Variants in HPS3 observed in about 807,000 individuals in gnomAD.
HPS3 encodes BLOC-2 complex member HPS3.
HPS3 carries 79 observed loss-of-function variants against 110.9 expected under a neutral mutation model. The ratio of observed to expected loss-of-function variants is 0.71; its 90% CI spans 0.59 to 0.86. The LOEUF (loss-of-function observed/expected upper bound fraction) is 0.86, where lower values mean the gene tolerates loss of function less well. Among genes scored for constraint, HPS3 ranks in the 40% least tolerant of loss-of-function variants. The pLI, the probability that HPS3 is intolerant of heterozygous loss-of-function variation, is 0.00. For missense variants in HPS3, 1,197 were observed against 1,206.2 expected (o/e 0.99, Z 0.11); for synonymous variants, 428 against 451.0 (o/e 0.95, Z 0.65).
At chr3:149,137,132 CA>C (rs1227703502) in intron 1 of HPS3, among the ~76,000 whole-genome samples, 1 of 151,774 alleles carries the variant, frequency 6.6e-6, no homozygotes, top group Admixed American at 6.6e-5. Flanking sequence ...CAACAACAAC[CA>C]AAAAAACTTG....
In HPS3 at chr3:149,129,695, C is replaced by T. The variant is rs1187933547; in HGVS notation, c.-29C>T. 4 of 1,523,132 alleles carry T rather than the reference C, an allele frequency of 2.6e-6. No individual in the cohort carries two copies. Among genetic ancestry groups the T allele is most frequent in the Admixed American group, 1.9e-5 (1 of 52,370 alleles). The allele number at this position is 1,523,132 out of a possible 1,614,324, so 94.4% of individuals were successfully genotyped here. A position where few individuals can be genotyped will look rare whatever the true frequency, so the allele number is the denominator to read the frequency against. ...GTCTCCGGGCGCCCTGCAGGGCGGG[C>T]AGGCTGTGCCATCCCGCCGGACGTC... On this transcript the variant is annotated 5_prime_UTR_variant, in exon 1 of 17. Transcript: ENST00000296051.
At chr3:149,171,422 C>T (rs1724977760) in intron 16 of HPS3, among the ~76,000 whole-genome samples, 1 of 128,750 alleles carries the variant, frequency 7.8e-6, no homozygotes, top group South Asian at 2.4e-4. Flanking sequence ...TGTTTCTTAT[C>T]CTATCAATCT....
Position 149,158,647 on chromosome 3 carries a change from T to C in HPS3, c.1692-19T>C, listed in dbSNP as rs369751908. ...TAAAAAAGTGACAAATTTGAGGTTT[T>C]TCATTTCCTTCCCTTTAGGCTTGAC... On this transcript the variant is annotated intron_variant, in intron 9 of 16. Transcript: ENST00000296051. The C allele has an allele frequency of 1.4e-5, 23 of 1,611,750 alleles. No homozygotes were observed. Among genetic ancestry groups the C allele is most frequent in the Non-Finnish European group, 1.8e-5 (21 of 1,178,108 alleles).
At chr3:149,136,307 G>A (rs750055162) in intron 1 of HPS3, among the ~76,000 whole-genome samples, 6 of 152,050 alleles carry the variant, frequency 3.9e-5, no homozygotes, top group Non-Finnish European at 7.4e-5. Context: ...ACTTGAGTCC[G>A]GGAGGTGGAG....
At chr3:149,160,306 G>A in intron 11 of HPS3, 27 bp downstream of exon 11, 1 of 1,482,908 alleles carries the variant, frequency 6.7e-7, no homozygotes, top group East Asian at 2.3e-5. Flanking sequence ...GGTGCTAACA[G>A]AAGGCTGAAA....
intron 1 of HPS3, among the ~76,000 whole-genome samples, chr3:149,135,437 C>A (rs1722028977): frequency 6.6e-6 from 1 of 152,070 alleles, no homozygotes; most frequent in South Asian, 2.1e-4. Context: ...ATAGTGAATT[C>A]TCATGAGATC....
rs747440350 is a variant in HPS3, at chr3:149,140,479, A to T, written c.693A>T (p.Arg231=). The T allele has an allele frequency of 6.2e-7, 1 of 1,614,164 alleles. No individual in the cohort carries two copies. Among genetic ancestry groups the T allele is most frequent in the East Asian group, 2.2e-5 (1 of 44,880 alleles). Residue 231 remains arginine, a synonymous_variant, in exon 2 of 17, where the codon CGA becomes CGT. Coordinates refer to ENST00000296051, the MANE Select transcript of HPS3 (RefSeq NM_032383.5). ...ACCATCCACATAAGACCAACAATCG[A>T]ATAAGACGGACAGAAGAAGGTAAAT... is the stretch of plus-strand genomic sequence containing the variant. ...VHHHPHKTNN[R]IRRTEEGISN...
rs1202129100 is a variant in HPS3 at position 149,172,307 on chromosome 3, T to C, written c.*85T>C. 8 of 844,488 alleles carry C rather than the reference T, an allele frequency of 9.5e-6. No homozygotes were observed. In the East Asian group the frequency reaches 2.2e-4, roughly 23 times the overall value. 52.3% of individuals were successfully genotyped at this position (844,488 alleles called of 1,614,324 possible). ...CCAAAGTACAAGTAGAGGAGTTTTT[T>C]ATTTTATATATCACACACACACACA... On this transcript the variant is annotated 3_prime_UTR_variant, in exon 17 of 17. Transcript: ENST00000296051.
rs563868423 is a variant in HPS3, at chr3:149,173,018, C to T, written c.*796C>T. 6.6e-6 allele frequency: 1 copy of T among 152,610 alleles called. No individual in the cohort carries two copies. Among genetic ancestry groups the T allele is most frequent in the Admixed American group, 6.5e-5 (1 of 15,292 alleles). The allele number at this position is 152,610 out of a possible 1,614,324, so 9.5% of individuals were successfully genotyped here. A position where few individuals can be genotyped will look rare whatever the true frequency, so the allele number is the denominator to read the frequency against. On this transcript the variant is annotated 3_prime_UTR_variant, in exon 17 of 17. Transcript: ENST00000296051. ...AAAAATTTTTAGTTCAAGTTTAGTT[C>T]ATTGATATTATCCTCTGAATGCAGT...
chr3:149,162,960 T>C, intron 13 of HPS3, 82 bp downstream of exon 13: 1 of 1,180,024 alleles, frequency 8.5e-7, no homozygotes, highest in Non-Finnish European at 1.3e-6. Flanking sequence ...TAACTTATTA[T>C]AAAATCTAAC....
chr3:149,162,532 C>T (rs988999924), intron 12 of HPS3, 158 bp from the exon 13 acceptor site: 22 of 976,886 alleles, frequency 2.3e-5, no homozygotes, highest in Non-Finnish European at 3.0e-5. Flanking sequence ...AATCTGTTTC[C>T]TTTTAAAAAT....
Position 149,140,503 on chromosome 3 carries a change from A to G in HPS3, c.712+5A>G. On this transcript the variant is annotated splice_donor_5th_base_variant and intron_variant, in intron 2 of 16. Transcript: ENST00000296051. ...GAATAAGACGGACAGAAGAAGGTAA[A>G]TAATGAATTTGACTTGCTTTCTTGT... 6.2e-7 allele frequency: 1 copy of G among 1,614,100 alleles called. No homozygotes were observed. Among genetic ancestry groups the G allele is most frequent in the East Asian group, 2.2e-5 (1 of 44,874 alleles).
intron 8 of HPS3, among the ~76,000 whole-genome samples, 181 bp from the exon 9 acceptor site, chr3:149,157,169 G>A (rs1723505960): frequency 6.6e-6 from 1 of 152,148 alleles, no homozygotes; most frequent in African/African-American, 2.4e-5. Flanking sequence ...CTCATAGATG[G>A]TGGGAAAAAA....
intron 10 of HPS3, among the ~76,000 whole-genome samples, chr3:149,159,097 C>CTACA (rs1559920128): frequency 6.6e-6 from 1 of 152,168 alleles, no homozygotes; most frequent in African/African-American, 2.4e-5. Flanking sequence ...GTCTCAACAC[C>CTACA]TGCCCAGTGA....
intron 8 of HPS3, among the ~76,000 whole-genome samples, chr3:149,156,421 C>T (rs1723459721): frequency 6.6e-6 from 1 of 152,182 alleles, no homozygotes. Flanking sequence ...AGTCTAGGAT[C>T]AGGTAGTGTG....
chr3:149,150,447 T>C, intron 5 of HPS3, 152 bp from the exon 6 acceptor site: 1 of 701,022 alleles, frequency 1.4e-6, no homozygotes, highest in Non-Finnish European at 2.6e-6. Flanking sequence ...GAGGCATTCC[T>C]CTTATTGAGA....
In HPS3 at chr3:149,172,318, TCACACACACACA is replaced by T. The variant is rs113015797; in HGVS notation, c.*123_*134del. 49 of 571,842 alleles carry T rather than the reference TCACACACACACA, an allele frequency of 8.6e-5. No homozygotes were observed. The highest frequency in any genetic ancestry group is 4.9e-4 in the Middle Eastern group (1 of 2,050). The allele number at this position is 571,842 out of a possible 1,614,324, so 35.4% of individuals were successfully genotyped here. ...GTAGAGGAGTTTTTTATTTTATATATCACACACACACACACACACACACACACACACACACAC... is the reference window on the plus strand; with the variant it reads ...GTAGAGGAGTTTTTTATTTTATATATCACACACACACACACACACACACAC... On this transcript the variant is annotated 3_prime_UTR_variant, in exon 17 of 17. Coordinates refer to ENST00000296051, the MANE Select transcript of HPS3 (RefSeq NM_032383.5).
chr3:149,158,376 A>C (rs763933344), intron 9 of HPS3, among the ~76,000 whole-genome samples: 2 of 152,216 alleles, frequency 1.3e-5, no homozygotes. Context: ...AGTTTGTAAG[A>C]TAAAACTTAG....
intron 14 of HPS3, among the ~76,000 whole-genome samples, chr3:149,165,104 C>T (rs1237526882): frequency 6.6e-6 from 1 of 152,138 alleles, no homozygotes; most frequent in Non-Finnish European, 1.5e-5. Context: ...TGTCTCTTGT[C>T]TCTAGTACTA....
Sources: gnomAD v4.1 joint callset for allele counts (sites outside exome capture counted in the v4.1 genomes callset) on GRCh38, gnomAD v4.1.1 for gene constraint, MANE v1.5 for transcripts, NCBI Gene and HGNC (gene_info 2026-07-23, HGNC 2026-07-21) for gene names.